Variants in KPNA5 observed in about 807,000 individuals in gnomAD.
KPNA5 encodes karyopherin subunit alpha 5, also known as importin subunit alpha-6.
A neutral mutation model predicts 71.3 loss-of-function variants in KPNA5; 46 were observed. The ratio of observed to expected loss-of-function variants is 0.65; its 90% CI spans 0.51 to 0.83. KPNA5 has a LOEUF of 0.83. Ranked by LOEUF, KPNA5 falls within the 40% of genes least tolerant of loss-of-function variation. KPNA5 has a pLI of 0.00. For synonymous variants in KPNA5, 207 were observed against 201.4 expected (o/e 1.03, Z -0.24); for missense variants, 547 against 628.3 (o/e 0.87, Z 1.38).
chr6:116,692,692 AT>A (rs1777850637), intron 4 of KPNA5, among the ~76,000 whole-genome samples: 1 of 151,694 alleles, frequency 6.6e-6, no homozygotes, highest in Non-Finnish European at 1.5e-5. Context: ...TTGTAGAAAT[AT>A]TTTTCAGACA....
intron 1 of KPNA5, among the ~76,000 whole-genome samples, chr6:116,685,177 A>G (rs1014056373): frequency 6.6e-6 from 1 of 152,246 alleles, no homozygotes; most frequent in Non-Finnish European, 1.5e-5. Context: ...CTGTCCCTAC[A>G]GTGGAATAAC....
rs567284140 is a variant in KPNA5 at position 116,722,702 on chromosome 6, A to G, written c.920+413A>G. Among the ~76,000 whole-genome samples, 3 of 152,274 alleles carry G rather than the reference A, an allele frequency of 2.0e-5. No homozygotes were observed. The South Asian group carries it at 6.2e-4, about 32-fold the overall frequency. On this transcript the variant is annotated intron_variant, in intron 9 of 13. Transcript: ENST00000368564. ...AGTAAAAGTCCATGTAGTGAAAATC[A>G]TTTAGTATTTCACCTCTATTAAAGA...
rs73765834 is a variant in KPNA5, at chr6:116,692,284, G to C, written c.241-9G>C. 1.3e-6 allele frequency: 2 copies of C among 1,535,252 alleles called. No homozygotes were observed. Among genetic ancestry groups the C allele is most frequent in the South Asian group, 2.4e-5 (2 of 84,408 alleles). ...AAATGTTAATTATATTTTTGTGTGT[G>C]TGTTTTAGGAAGAAGTTGTTACTAC... is the stretch of plus-strand genomic sequence containing the variant. On this transcript the variant is annotated splice_polypyrimidine_tract_variant and intron_variant, in intron 3 of 13. Coordinates refer to ENST00000368564, the MANE Select transcript of KPNA5 (RefSeq NM_001366306.2).
At position 116,710,887 on chromosome 6, in the gene KPNA5, ATATATATTTTTTTTTTTTTTT is replaced by A. The variant is rs1375312758; in HGVS notation, c.657-5330_657-5310del. ...GTAATATTATTTTATATATATATATATATATATTTTTTTTTTTTTTTTTTTGAGTTGGAGTCTTGCTCTGTT... is the reference window on the plus strand; with the variant it reads ...GTAATATTATTTTATATATATATATATTTTGAGTTGGAGTCTTGCTCTGTT... On this transcript the variant is annotated intron_variant, in intron 7 of 13. Transcript: ENST00000368564. Among the ~76,000 whole-genome samples, 3 of 69,954 alleles carry A rather than the reference ATATATATTTTTTTTTTTTTTT, an allele frequency of 4.3e-5. No individual in the cohort carries two copies. The South Asian group carries it at 1.9e-3, about 45-fold the overall frequency. The allele number at this position is 69,954 out of a possible 152,430, so 45.9% of individuals were successfully genotyped here.
At chr6:116,724,070 A>G (rs1638621019) in intron 9 of KPNA5, among the ~76,000 whole-genome samples, 1 of 152,182 alleles carries the variant, frequency 6.6e-6, no homozygotes, top group Non-Finnish European at 1.5e-5. Flanking sequence ...TGGCAAAATC[A>G]TGAAAATTAA....
chr6:116,715,984 C>T (rs189009074), intron 7 of KPNA5, among the ~76,000 whole-genome samples: 27 of 151,740 alleles, frequency 1.8e-4, no homozygotes, highest in African/African-American at 6.5e-4. Context: ...GTAAATTTCC[C>T]ACGGCATTCT....
chr6:116,689,457 G>A lies in KPNA5; in HGVS notation c.138+4G>A, dbSNP rs1777712498. On this transcript the variant is annotated splice_donor_region_variant and intron_variant, in intron 2 of 13. Transcript: ENST00000368564. ...AAAACAAAAAAGAGAAGAACAGGTAGGTGTTTTTAGCTATTTAATTTTGTT... is the reference window on the plus strand; with the variant it reads ...AAAACAAAAAAGAGAAGAACAGGTAAGTGTTTTTAGCTATTTAATTTTGTT... The A allele has an allele frequency of 1.9e-6, 3 of 1,547,948 alleles. No homozygotes were observed. The highest frequency in any genetic ancestry group is 1.4e-5 in the African/African-American group (1 of 71,474).
intron 7 of KPNA5, among the ~76,000 whole-genome samples, chr6:116,714,954 G>A (rs974309009): frequency 6.6e-6 from 1 of 152,170 alleles, no homozygotes. Context: ...CCAGGCTGGG[G>A]AGGGGGTTGC....
chr6:116,729,895 ATTTT>A (rs71676076), intron 13 of KPNA5, among the ~76,000 whole-genome samples, 154 bp downstream of exon 13: 9,302 of 151,660 alleles, frequency 0.061, 389 homozygotes, highest in Admixed American at 0.15. Flanking sequence ...CTAACAATTT[ATTTT>A]TATTATTTAC....
At chr6:116,705,382 G>A (rs2114424618) in intron 7 of KPNA5, among the ~76,000 whole-genome samples, 1 of 152,228 alleles carries the variant, frequency 6.6e-6, no homozygotes, top group South Asian at 2.1e-4. Flanking sequence ...CTTACTTGAT[G>A]CTTACTGATC....
Position 116,740,242 on chromosome 6 carries a change from A to T in KPNA5, c.*7919A>T, listed in dbSNP as rs1436953576. On this transcript the variant is annotated 3_prime_UTR_variant, in exon 14 of 14. Transcript: ENST00000368564. ...TATGCAGCCAAAAAACACATGAAAA[A>T]ATGCTCACCATCACTGGCCATCAGA... The T allele has an allele frequency of 5.3e-5, 8 of 152,226 alleles. No homozygotes were observed. 9.4% of individuals were successfully genotyped at this position (152,226 alleles called of 1,614,324 possible).
At chr6:116,693,794 G>A (rs1179586248) in intron 4 of KPNA5, among the ~76,000 whole-genome samples, 1 of 151,836 alleles carries the variant, frequency 6.6e-6, no homozygotes, top group Non-Finnish European at 1.5e-5. Flanking sequence ...TGGTGTTTTA[G>A]ACATGAAGTC....
rs1458119813 is a variant in KPNA5, at chr6:116,724,393, T to C, written c.999+18T>C. The C allele has an allele frequency of 6.4e-7, 1 of 1,555,118 alleles. No homozygotes were observed. The highest frequency in any genetic ancestry group is 1.4e-5 in the African/African-American group (1 of 73,686). Reference sequence around the variant, plus strand: ...AAACACAGGTGAGTTCAAACTTGAGTATCATAAATTGTTAACATAAAGGAC... The same window carrying C: ...AAACACAGGTGAGTTCAAACTTGAGCATCATAAATTGTTAACATAAAGGAC... On this transcript the variant is annotated intron_variant, in intron 10 of 13. Transcript: ENST00000368564.
At chr6:116,698,886 T>G in intron 5 of KPNA5, 88 bp downstream of exon 5, 1 of 665,978 alleles carries the variant, frequency 1.5e-6, no homozygotes, top group Non-Finnish European at 2.5e-6. Context: ...TATTGACTAT[T>G]GTAAGCATTA....
intron 4 of KPNA5, among the ~76,000 whole-genome samples, chr6:116,693,580 G>A (rs1426420658): frequency 1.3e-5 from 2 of 152,114 alleles, no homozygotes; most frequent in Non-Finnish European, 2.9e-5. Flanking sequence ...TGTTGATGGG[G>A]TTGTTTGTTT....
At chr6:116,722,713 C>T (rs1329497697) in intron 9 of KPNA5, among the ~76,000 whole-genome samples, 2 of 152,084 alleles carry the variant, frequency 1.3e-5, no homozygotes, top group African/African-American at 4.8e-5. Context: ...TTTAGTATTT[C>T]ACCTCTATTA....
rs1056875212 is a variant in KPNA5 at position 116,707,372 on chromosome 6, CAACTT to C, written c.656+2213_656+2217del. On this transcript the variant is annotated intron_variant, in intron 7 of 13. Coordinates refer to ENST00000368564, the MANE Select transcript of KPNA5 (RefSeq NM_001366306.2). ...GATACAATTTTGCTGTAATTTAACT[CAACTT>C]TAATTTATAATGTAGCATATTTGTA... Among the ~76,000 whole-genome samples the C allele has an allele frequency of 4.6e-5, 7 of 152,196 alleles. No homozygotes were observed. In the South Asian group the frequency reaches 8.3e-4, roughly 18 times the overall value.
chr6:116,691,035 C>A (rs566468581), intron 2 of KPNA5, among the ~76,000 whole-genome samples: 2 of 152,202 alleles, frequency 1.3e-5, no homozygotes, highest in Admixed American at 1.3e-4. Flanking sequence ...TTGAGACCAG[C>A]CTGACCAACA....
In KPNA5 at chr6:116,740,123, T is replaced by C. The variant is rs1369251358; in HGVS notation, c.*7800T>C. The C allele has an allele frequency of 6.6e-6, 1 of 151,740 alleles. No homozygotes were observed. Among genetic ancestry groups the C allele is most frequent in the Non-Finnish European group, 1.5e-5 (1 of 67,920 alleles). 9.4% of individuals were successfully genotyped at this position (151,740 alleles called of 1,614,324 possible). ...TCTGACAAAGGGCTAATATCCAGAA[T>C]CTACAATGAACTCAAACAAATTTAC... On this transcript the variant is annotated 3_prime_UTR_variant, in exon 14 of 14. Transcript: ENST00000368564.
Sources: allele counts gnomAD v4.1 joint callset (sites outside exome capture counted in the v4.1 genomes callset), GRCh38; gene constraint gnomAD v4.1.1; transcripts MANE v1.5; gene names NCBI Gene and HGNC (gene_info 2026-07-23, HGNC 2026-07-21).